The following LRRK1 variants were observed in gnomAD, a reference collection of about 807,000 sequenced individuals.
The protein encoded by LRRK1 is leucine rich repeat kinase 1, also known as leucine-rich repeat serine/threonine-protein kinase 1.
A neutral mutation model predicts 209.1 loss-of-function variants in LRRK1; 113 were observed. That is an observed-to-expected ratio of 0.54 (90% CI 0.46 to 0.63). The LOEUF (loss-of-function observed/expected upper bound fraction) is 0.63, where lower values mean the gene tolerates loss of function less well. Among genes scored for constraint, LRRK1 ranks in the 30% least tolerant of loss-of-function variants. The probability of loss-of-function intolerance (pLI) is 0.00; values close to 1 mark genes in which losing one functional copy is unlikely to be tolerated. For synonymous variants in LRRK1, 1,144 were observed against 1,099.7 expected (o/e 1.04, Z -0.80); for missense variants, 2,284 against 2,632.2 (o/e 0.87, Z 2.89).
Position 101,071,233 on chromosome 15 carries a change from C to T in LRRK1, c.*2385C>T, listed in dbSNP as rs1471603109. ...GGGGGCACCCTGAGGACCCTGTCAACATCAGCTGGACCACAGGCATCTCAG... is the reference window on the plus strand; with the variant it reads ...GGGGGCACCCTGAGGACCCTGTCAATATCAGCTGGACCACAGGCATCTCAG... On this transcript the variant is annotated 3_prime_UTR_variant, in exon 34 of 34. Transcript: ENST00000388948. 1 of 152,370 alleles carries T rather than the reference C, an allele frequency of 6.6e-6. No homozygotes were observed. Among genetic ancestry groups the T allele is most frequent in the Non-Finnish European group, 1.5e-5 (1 of 68,158 alleles). 9.4% of individuals were successfully genotyped at this position (152,370 alleles called of 1,614,324 possible). A position where few individuals can be genotyped will look rare whatever the true frequency, so the allele number is the denominator to read the frequency against.
rs114207228 is a variant in LRRK1, at chr15:100,923,965, A to C, written c.-122-546A>C. 1.3e-4 allele frequency among the ~76,000 whole-genome samples: 20 copies of C among 152,348 alleles called. 1 individual carries two copies. The highest frequency in any genetic ancestry group is 4.3e-4 in the African/African-American group (18 of 41,590). ...GTCATTTAGCTTTCTGCTAAAGCTC[A>C]TGCTAACTTGACTTCATAACCAGTA... On this transcript the variant is annotated intron_variant, in intron 1 of 33. Coordinates refer to ENST00000388948, the MANE Select transcript of LRRK1 (RefSeq NM_024652.6).
chr15:100,950,863 G>A (rs1405960810), intron 2 of LRRK1, among the ~76,000 whole-genome samples: 1 of 152,232 alleles, frequency 6.6e-6, no homozygotes, highest in Admixed American at 6.5e-5. Context: ...CAGCACTTTG[G>A]GAGGCCAAGG....
intron 2 of LRRK1, among the ~76,000 whole-genome samples, chr15:100,944,308 T>C (rs1220963655): frequency 3.3e-5 from 5 of 152,214 alleles, no homozygotes; most frequent in Admixed American, 1.3e-4. Flanking sequence ...CAGCGCAGCA[T>C]TGATCTAACT....
At chr15:101,004,604 C>A (rs2032855349) in intron 6 of LRRK1, among the ~76,000 whole-genome samples, 1 of 152,194 alleles carries the variant, frequency 6.6e-6, no homozygotes, top group Non-Finnish European at 1.5e-5. Context: ...TGGGCTGAGT[C>A]AGTGCCACAC....
chr15:101,036,810 G>A (rs2034510843), intron 20 of LRRK1, among the ~76,000 whole-genome samples: 1 of 152,226 alleles, frequency 6.6e-6, no homozygotes, highest in African/African-American at 2.4e-5. Context: ...TGGTTCAGTA[G>A]GGCACTTTGG....
chr15:100,975,255 A>G (rs2031224100), intron 3 of LRRK1, among the ~76,000 whole-genome samples: 1 of 152,270 alleles, frequency 6.6e-6, no homozygotes, highest in Admixed American at 6.5e-5. Flanking sequence ...CCAAGTGGCC[A>G]AGCAGCCAGA....
chr15:100,974,425 G>GAGC (rs1469720072), intron 3 of LRRK1, among the ~76,000 whole-genome samples: 1 of 129,656 alleles, frequency 7.7e-6, no homozygotes, highest in Non-Finnish European at 1.6e-5. Context: ...CTGCCGATCT[G>GAGC]AGCATACATG....
chr15:101,019,365 T>A (rs1365681869), intron 12 of LRRK1, among the ~76,000 whole-genome samples: 1 of 152,192 alleles, frequency 6.6e-6, no homozygotes, highest in Non-Finnish European at 1.5e-5. Flanking sequence ...ATTGATCATC[T>A]TTTTTCATTG....
chr15:100,997,270 A>C (rs550763191), intron 6 of LRRK1, among the ~76,000 whole-genome samples: 11 of 152,334 alleles, frequency 7.2e-5, no homozygotes, highest in African/African-American at 1.9e-4. Flanking sequence ...GACATGGAAA[A>C]TATTTCGGAA....
intron 1 of LRRK1, among the ~76,000 whole-genome samples, chr15:100,923,858 G>A (rs2042061834): frequency 6.6e-6 from 1 of 152,164 alleles, no homozygotes; most frequent in African/African-American, 2.4e-5. Context: ...CCAAGTTGTG[G>A]CAACCAAAAA....
At position 101,027,885 on chromosome 15, in the gene LRRK1, T is replaced by C. The variant is rs964153252; in HGVS notation, c.2686+88T>C. 2.3e-5 allele frequency: 28 copies of C among 1,237,944 alleles called. No individual in the cohort carries two copies. In the South Asian group the frequency reaches 3.7e-4, roughly 16 times the overall value. The allele number at this position is 1,237,944 out of a possible 1,614,324, so 76.7% of individuals were successfully genotyped here. ...ACTTCAGCTTGGCCTCAGTAATGAA[T>C]GAGAGACCGACACCCAGCCTGCGTT... On this transcript the variant is annotated intron_variant, in intron 19 of 33. Coordinates refer to ENST00000388948, the MANE Select transcript of LRRK1 (RefSeq NM_024652.6). The surrounding 1 kb of genome is among the most constrained non-coding windows in gnomAD (Gnocchi z 5.1).
rs28374329 is a variant in LRRK1, at chr15:100,935,089, G to C, written c.97+10360G>C. Among the ~76,000 whole-genome samples the C allele has an allele frequency of 1.6e-4, 24 of 152,292 alleles. 2 individuals carry two copies. The highest frequency in any genetic ancestry group is 7.8e-4 in the Admixed American group (12 of 15,306). ...TAGTCCTACACTCCAGGCTATGTCA[G>C]AGCCTGCTATGGTCAGGGCTCTGGG... is the stretch of plus-strand genomic sequence containing the variant. On this transcript the variant is annotated intron_variant, in intron 2 of 33. Coordinates refer to ENST00000388948, the MANE Select transcript of LRRK1 (RefSeq NM_024652.6).
chr15:100,973,453 C>A (rs896887880), intron 2 of LRRK1, among the ~76,000 whole-genome samples: 1 of 152,180 alleles, frequency 6.6e-6, no homozygotes, highest in Non-Finnish European at 1.5e-5. Flanking sequence ...GGCTGAGACC[C>A]GCGGCTCTCT....
At chr15:101,029,649 A>G (rs748549141) in intron 20 of LRRK1, among the ~76,000 whole-genome samples, 45 of 152,152 alleles carry the variant, frequency 3.0e-4, no homozygotes, top group Non-Finnish European at 5.4e-4. Flanking sequence ...GGCCAGATCA[A>G]TTGAGGTCAG....
intron 12 of LRRK1, among the ~76,000 whole-genome samples, chr15:101,019,660 C>A (rs2033689975): frequency 6.6e-6 from 1 of 152,194 alleles, no homozygotes; most frequent in Non-Finnish European, 1.5e-5. Context: ...TCAAGGGCAA[C>A]CGAGCCTGGT....
chr15:100,945,092 AT>A (rs1373032175), intron 2 of LRRK1, among the ~76,000 whole-genome samples: 1 of 152,204 alleles, frequency 6.6e-6, no homozygotes, highest in African/African-American at 2.4e-5. Flanking sequence ...CTTCACGGGC[AT>A]TTGGGCGATT....
chr15:100,958,798 G>A (rs576360956), intron 2 of LRRK1, among the ~76,000 whole-genome samples: 2 of 152,262 alleles, frequency 1.3e-5, no homozygotes, highest in South Asian at 4.2e-4. Flanking sequence ...AATGTGCAGG[G>A]CCTGGAGGTG....
intron 29 of LRRK1, among the ~76,000 whole-genome samples, chr15:101,059,609 G>A (rs903016986): frequency 6.7e-6 from 1 of 148,902 alleles, no homozygotes; most frequent in Non-Finnish European, 1.5e-5. Flanking sequence ...CTGGAAACAT[G>A]AGCTAAAGGG....
Position 101,010,473 on chromosome 15 carries a change from G to A in LRRK1, c.1013G>A (p.Ser338Asn). 1 of 1,611,626 alleles carries A rather than the reference G, an allele frequency of 6.2e-7. No homozygotes were observed. Among genetic ancestry groups the A allele is most frequent in the Non-Finnish European group, 8.5e-7 (1 of 1,179,374 alleles). Residue 338 changes from serine (S) to asparagine (N), a missense_variant, in exon 8 of 34, where the codon AGC becomes AAC. Coordinates refer to ENST00000388948, the MANE Select transcript of LRRK1 (RefSeq NM_024652.6). ...CSRLLEIDIS[S>N]NKLSHLPPGF... ...AGGCTACTTGAAATTGACATTTCCA[G>A]CAACAAGTTGTCCCACCTCCCTCCT...
Sources: gnomAD v4.1 joint callset for allele counts (sites outside exome capture counted in the v4.1 genomes callset) on GRCh38, gnomAD v4.1.1 for gene constraint, Gnocchi (gnomAD v3.1) non-coding constraint, MANE v1.5 for transcripts, NCBI Gene and HGNC (gene_info 2026-07-23, HGNC 2026-07-21) for gene names.